Variants in C2CD5 observed in about 807,000 individuals in gnomAD.
The protein encoded by C2CD5 is C2 calcium dependent domain containing 5, also known as C2 domain-containing protein 5.
C2CD5 carries 109 observed loss-of-function variants against 130.3 expected under a neutral mutation model. The ratio of observed to expected loss-of-function variants is 0.84; its 90% CI spans 0.72 to 0.98. The LOEUF (loss-of-function observed/expected upper bound fraction) is 0.98, where lower values mean the gene tolerates loss of function less well. Among genes scored for constraint, C2CD5 ranks in the 50% least tolerant of loss-of-function variants. The pLI is 0.00. For synonymous variants in C2CD5, 454 were observed against 429.2 expected, an observed-to-expected ratio of 1.06 and a Z score of -0.71; for missense variants, 996 against 1,261.8, an observed-to-expected ratio of 0.79 and a Z score of 3.19.
intron 9 of C2CD5, among the ~76,000 whole-genome samples, chr12:22,511,652 T>C (rs919889297): frequency 1.8e-4 from 28 of 152,222 alleles, no homozygotes; most frequent in Admixed American, 1.8e-3. Flanking sequence ...TTTAAATGCA[T>C]ATCTGAAAAC....
At chr12:22,492,257 G>A (rs1218266320) in intron 11 of C2CD5, among the ~76,000 whole-genome samples, 3 of 152,106 alleles carry the variant, frequency 2.0e-5, no homozygotes, top group East Asian at 3.8e-4. Flanking sequence ...GATATCAACT[G>A]TAAACTTCTG....
At chr12:22,463,106 G>T (rs1427219183) in intron 22 of C2CD5, among the ~76,000 whole-genome samples, 2 of 151,488 alleles carry the variant, frequency 1.3e-5, no homozygotes, top group African/African-American at 4.9e-5. Flanking sequence ...AAAAAAAAAG[G>T]CCAGGTGCGG....
Position 22,464,664 on chromosome 12 carries a change from G to A in C2CD5, c.2533+5045C>T, listed in dbSNP as rs183919142. 4.1e-3 allele frequency among the ~76,000 whole-genome samples: 622 copies of A among 151,962 alleles called. 5 individuals carry two copies. The highest frequency in any genetic ancestry group is 0.014 in the African/African-American group (599 of 41,464). ...GAGCGTCTCTTTCCTTTTAAAACTT[G>A]CCATTGATTATTTGGCCTCCAATAA... On this transcript the variant is annotated intron_variant, in intron 22 of 26. Coordinates refer to ENST00000446597, the MANE Select transcript of C2CD5 (RefSeq NM_001286176.2).
chr12:22,459,627 A>C lies in C2CD5; in HGVS notation c.2534-85T>G, dbSNP rs146578205. Reference sequence around the variant, plus strand: ...TTTGTTATTTGTTAATACCTCTATAAGCCAGAAGAATAGGAGGAAATCTTT... The same window carrying C: ...TTTGTTATTTGTTAATACCTCTATACGCCAGAAGAATAGGAGGAAATCTTT... On this transcript the variant is annotated intron_variant, in intron 22 of 26. Transcript: ENST00000446597. The C allele has an allele frequency of 7.9e-5, 61 of 771,630 alleles. 1 individual carries two copies. Among genetic ancestry groups the C allele is most frequent in the Non-Finnish European group, 1.2e-4 (55 of 475,314 alleles). 47.8% of individuals were successfully genotyped at this position (771,630 alleles called of 1,614,324 possible).
intron 3 of C2CD5, among the ~76,000 whole-genome samples, chr12:22,529,732 G>A (rs146253741): frequency 9.9e-5 from 15 of 152,180 alleles, no homozygotes; most frequent in African/African-American, 3.4e-4. Context: ...TGTGATACAA[G>A]CATAAATCAT....
intron 13 of C2CD5, among the ~76,000 whole-genome samples, chr12:22,483,570 T>C (rs552766049): frequency 1.3e-5 from 2 of 152,070 alleles, no homozygotes; most frequent in African/African-American, 2.4e-5. Context: ...ACAAAAAAAA[T>C]AGCTCACCAC....
chr12:22,514,335 A>C (rs1382609762), intron 8 of C2CD5, among the ~76,000 whole-genome samples: 1 of 152,182 alleles, frequency 6.6e-6, no homozygotes, highest in Non-Finnish European at 1.5e-5. Context: ...GTATAGTCCC[A>C]TTCTGTTCCT....
intron 10 of C2CD5, among the ~76,000 whole-genome samples, chr12:22,501,944 T>C (rs1947854386): frequency 6.6e-6 from 1 of 152,100 alleles, no homozygotes; most frequent in African/African-American, 2.4e-5. Flanking sequence ...AAAATTTCTT[T>C]AGGCAACATA....
At chr12:22,532,308 C>A (rs962250329) in intron 3 of C2CD5, among the ~76,000 whole-genome samples, 1 of 148,668 alleles carries the variant, frequency 6.7e-6, no homozygotes, top group African/African-American at 2.5e-5. Context: ...CCAGCCTGGG[C>A]AACGGGAGTG....
intron 2 of C2CD5, among the ~76,000 whole-genome samples, chr12:22,543,280 G>A (rs1336082702): frequency 3.3e-5 from 5 of 152,206 alleles, no homozygotes; most frequent in Admixed American, 6.5e-5. Context: ...CCTTCCGGCC[G>A]TAGGCCTTTA....
At chr12:22,511,173 GA>G (rs145915898) in intron 9 of C2CD5, among the ~76,000 whole-genome samples, 16,187 of 69,122 alleles carry the variant, frequency 0.23, 1,301 homozygotes, top group African/African-American at 0.4. Context: ...CTTTCCTCAA[GA>G]AAAAAAAAAA....
intron 8 of C2CD5, 22 bp from the exon 9 acceptor site, chr12:22,513,401 A>G (rs1949402890): frequency 6.6e-7 from 1 of 1,512,256 alleles, no homozygotes; most frequent in South Asian, 1.1e-5. Flanking sequence ...CAGTACATAA[A>G]TAACAACCAA....
chr12:22,474,741 G>A lies in C2CD5; in HGVS notation c.2043+10C>T. On this transcript the variant is annotated intron_variant, in intron 16 of 26. Coordinates refer to ENST00000446597, the MANE Select transcript of C2CD5 (RefSeq NM_001286176.2). ...AAAACCTTTAAGAAATTAGTCCAAT[G>A]CCACATTACCTCCAAAACAAAAGCA... 4.4e-6 allele frequency: 7 copies of A among 1,583,328 alleles called. No individual in the cohort carries two copies. The highest frequency in any genetic ancestry group is 6.0e-6 in the Non-Finnish European group (7 of 1,166,554).
intron 6 of C2CD5, among the ~76,000 whole-genome samples, chr12:22,524,165 T>C (rs1163264066): frequency 2.6e-5 from 4 of 152,116 alleles, no homozygotes. Context: ...AAATAAATGG[T>C]AGATGAAGGA....
At chr12:22,497,579 C>G (rs1218631056) in intron 10 of C2CD5, 15 of 954,602 alleles carry the variant, frequency 1.6e-5, no homozygotes, top group Non-Finnish European at 1.7e-5. Context: ...TCCCAAATAC[C>G]TGAAAGTAAC....
chr12:22,507,570 A>T (rs1364504255), intron 9 of C2CD5, among the ~76,000 whole-genome samples: 1 of 152,248 alleles, frequency 6.6e-6, no homozygotes, highest in African/African-American at 2.4e-5. Context: ...CACAAAAAAG[A>T]CAAATGAAAA....
chr12:22,475,168 T>C (rs978487031), intron 15 of C2CD5, among the ~76,000 whole-genome samples: 14 of 152,102 alleles, frequency 9.2e-5, no homozygotes, highest in African/African-American at 1.4e-4. Flanking sequence ...GTGTATGGAA[T>C]TGGCAGTCCT....
chr12:22,496,884 G>A (rs1283136403), intron 10 of C2CD5, among the ~76,000 whole-genome samples: 1 of 151,918 alleles, frequency 6.6e-6, no homozygotes, highest in Admixed American at 6.6e-5. Context: ...GTTGACATCA[G>A]AATTCATTAA....
intron 22 of C2CD5, among the ~76,000 whole-genome samples, chr12:22,461,193 C>T (rs1367305719): frequency 6.6e-6 from 1 of 152,180 alleles, no homozygotes; most frequent in Admixed American, 6.5e-5. Context: ...GACTGGGACA[C>T]CAACTGTCCT....
Sources: allele counts gnomAD v4.1 joint callset (sites outside exome capture counted in the v4.1 genomes callset), GRCh38; gene constraint gnomAD v4.1.1; transcripts MANE v1.5; gene names NCBI Gene and HGNC (gene_info 2026-07-23, HGNC 2026-07-21).